FRMPD4: variants seen among roughly 807,000 people sequenced by gnomAD.
FRMPD4 encodes the protein FERM and PDZ domain containing 4.
Under a neutral mutation model 94.1 loss-of-function variants are expected in FRMPD4, and 22 were observed. The ratio of observed to expected loss-of-function variants is 0.23; its 90% CI spans 0.17 to 0.33. FRMPD4 has a LOEUF of 0.33. Among genes scored for constraint, FRMPD4 ranks in the 10% least tolerant of loss-of-function variants. The pLI, the probability that FRMPD4 is intolerant of heterozygous loss-of-function variation, is 1.00. For synonymous variants in FRMPD4, 631 were observed against 548.6 expected (o/e 1.15, Z -2.10); for missense variants, 1,111 against 1,339.9 (o/e 0.83, Z 2.67).
chrX:12,465,420 A>G (rs2057439161), intron 1 of FRMPD4, among the ~76,000 whole-genome samples: 1 of 111,434 alleles, frequency 9.0e-6, no homozygotes, highest in South Asian at 3.9e-4. Flanking sequence ...CTCCCAGCTC[A>G]TCAGCACTAG....
At chrX:12,682,607 A>T (rs2059983880) in intron 5 of FRMPD4, among the ~76,000 whole-genome samples, 1 of 112,461 alleles carries the variant, frequency 8.9e-6, no homozygotes. Context: ...ACTAGGTGTG[A>T]GTTCCCTTCC....
chrX:12,165,267 T>C (rs1206250380), intron 1 of FRMPD4, among the ~76,000 whole-genome samples: 1 of 112,694 alleles, frequency 8.9e-6, no homozygotes, highest in Non-Finnish European at 1.9e-5. Flanking sequence ...TTTCTACATA[T>C]GGCCAGCCAG....
At chrX:12,614,656 T>G (rs1602211716) in intron 3 of FRMPD4, 123 bp from the exon 4 acceptor site, 1 of 465,362 alleles carries the variant, frequency 2.1e-6, no homozygotes, top group East Asian at 3.5e-5. Context: ...AACACCCAAG[T>G]GTGGTTGGGT....
At chrX:11,848,787 T>G (rs750250544) in intron 1 of FRMPD4, among the ~76,000 whole-genome samples, 1 of 111,230 alleles carries the variant, frequency 9.0e-6, no homozygotes, top group Admixed American at 9.6e-5. Flanking sequence ...GTCTTTCATA[T>G]TCCCCTGTAA....
intron 1 of FRMPD4, among the ~76,000 whole-genome samples, chrX:12,263,661 G>A (rs1052594883): frequency 9.0e-6 from 1 of 111,483 alleles, no homozygotes; most frequent in Admixed American, 9.5e-5. Flanking sequence ...TAGCTATAGA[G>A]GTGAGAAGTG....
intron 3 of FRMPD4, among the ~76,000 whole-genome samples, chrX:11,966,172 A>G (rs1298393228): frequency 1.8e-5 from 2 of 111,478 alleles, no homozygotes; most frequent in South Asian, 3.8e-4. Flanking sequence ...ATAATATGCT[A>G]TGGTCTGGAT....
At chrX:12,477,242 G>A (rs992317576) in intron 1 of FRMPD4, among the ~76,000 whole-genome samples, 1 of 111,098 alleles carries the variant, frequency 9.0e-6, no homozygotes, top group African/African-American at 3.3e-5. Context: ...ACTCGTAGGT[G>A]GGGATTGTAT....
chrX:11,926,258 CAAAAAAAAAAAAAAAAA>C (rs763084115), intron 3 of FRMPD4, among the ~76,000 whole-genome samples: 7 of 30,699 alleles, frequency 2.3e-4, no homozygotes, highest in Non-Finnish European at 3.3e-4. Context: ...GCTTACCAAC[CAAAAAAAAAAAAAAAAA>C]AAAAAAAGCC....
intron 2 of FRMPD4, among the ~76,000 whole-genome samples, chrX:12,511,169 A>G (rs1458938750): frequency 1.8e-5 from 2 of 111,744 alleles, no homozygotes; most frequent in Non-Finnish European, 3.8e-5. Context: ...TATAAAGACT[A>G]GGAGAGGTGG....
chrX:12,315,818 T>C (rs2147915172), intron 1 of FRMPD4, among the ~76,000 whole-genome samples: 1 of 111,851 alleles, frequency 8.9e-6, no homozygotes, highest in South Asian at 3.8e-4. Flanking sequence ...CTGGGGTTGA[T>C]TTCTGTCCCT....
chrX:12,485,985 G>A (rs1422743642), intron 1 of FRMPD4, among the ~76,000 whole-genome samples: 4 of 110,788 alleles, frequency 3.6e-5, no homozygotes, highest in Non-Finnish European at 7.6e-5. Context: ...ATTTTGTTTT[G>A]TGTTGCTATC....
chrX:12,210,549 G>T (rs896826819), intron 1 of FRMPD4, among the ~76,000 whole-genome samples: 2 of 111,499 alleles, frequency 1.8e-5, no homozygotes, highest in African/African-American at 6.5e-5. Flanking sequence ...AGAGGGGCTG[G>T]CCAGACAGAA....
At position 12,716,594 on chromosome X, in the gene FRMPD4, A is replaced by G. The variant is rs769411102; in HGVS notation, c.2135A>G (p.Glu712Gly). 1.7e-6 allele frequency: 2 copies of G among 1,209,814 alleles called. No homozygotes were observed. Among genetic ancestry groups the G allele is most frequent in the East Asian group, 3.0e-5 (1 of 33,765 alleles). The change falls in exon 15 of 17, where the codon GAA becomes GGA. Residue 712 changes from glutamate (E) to glycine (G), a missense_variant. By Grantham distance (98) the Glu-to-Gly change is moderately conservative. Transcript: ENST00000675598. ...GAGGCAGAGGGCATCCAGTTTGTGGAAAATTCTGTTTATGCAAACATAGGC... is the reference window on the plus strand; with the variant it reads ...GAGGCAGAGGGCATCCAGTTTGTGGGAAATTCTGTTTATGCAAACATAGGC... ...TPEAEGIQFV[E>G]NSVYANIGDV... is the part of the protein sequence containing the mutation.
chrX:12,164,618 G>A (rs1287320212), intron 1 of FRMPD4, among the ~76,000 whole-genome samples: 5 of 112,092 alleles, frequency 4.5e-5, no homozygotes, highest in African/African-American at 1.3e-4. Context: ...CTGAGGAATC[G>A]CCACACTGAC....
At chrX:12,617,498 C>G (rs1211016707) in intron 4 of FRMPD4, among the ~76,000 whole-genome samples, 1 of 111,943 alleles carries the variant, frequency 8.9e-6, no homozygotes, top group Non-Finnish European at 1.9e-5. Flanking sequence ...ACAAAATATT[C>G]CTGTGCCTTC....
chrX:12,469,466 G>C (rs1294926680), intron 1 of FRMPD4, among the ~76,000 whole-genome samples: 1 of 111,386 alleles, frequency 9.0e-6, no homozygotes, highest in Admixed American at 9.6e-5. Context: ...GCCCAGGCTG[G>C]TCTCAAATTC....
At chrX:12,505,642 G>A (rs1250394066) in intron 2 of FRMPD4, among the ~76,000 whole-genome samples, 4 of 103,935 alleles carry the variant, frequency 3.8e-5, no homozygotes, top group Admixed American at 1.1e-4. Flanking sequence ...CAGGAGAATC[G>A]CTTGAATCTG....
intron 2 of FRMPD4, among the ~76,000 whole-genome samples, chrX:12,588,567 T>C (rs1265688173): frequency 8.9e-6 from 1 of 112,595 alleles, no homozygotes; most frequent in Non-Finnish European, 1.9e-5. Context: ...AACTATATCA[T>C]AGGTTTGAGC....
At chrX:12,159,814 T>C (rs1201067744) in intron 1 of FRMPD4, among the ~76,000 whole-genome samples, 1 of 111,904 alleles carries the variant, frequency 8.9e-6, no homozygotes, top group African/African-American at 3.2e-5. Flanking sequence ...AAGAAGCTAA[T>C]AAAAATGAGA....
Sources: allele counts gnomAD v4.1 joint callset (sites outside exome capture counted in the v4.1 genomes callset), GRCh38; gene constraint gnomAD v4.1.1; transcripts MANE v1.5; gene names NCBI Gene and HGNC (gene_info 2026-07-23, HGNC 2026-07-21).